Variants in MID2 observed in about 807,000 individuals in gnomAD.
MID2 encodes midline 2, also known as probable E3 ubiquitin-protein ligase MID2.
In MID2, 13 loss-of-function variants were observed where a neutral mutation model predicts 46.1. The ratio of observed to expected loss-of-function variants is 0.28; its 90% CI spans 0.18 to 0.45. The LOEUF is 0.45. Among genes scored for constraint, MID2 ranks in the 20% least tolerant of loss-of-function variants. MID2 has a pLI of 1.00. For missense variants in MID2, 431 were observed against 575.4 expected (o/e 0.75, Z 2.57); for synonymous variants, 199 against 212.3 (o/e 0.94, Z 0.55).
intron 3 of MID2, among the ~76,000 whole-genome samples, chrX:107,892,041 C>T (rs993903092): frequency 8.1e-5 from 9 of 111,678 alleles, no homozygotes; most frequent in Non-Finnish European, 1.5e-4. Flanking sequence ...ATTTCCCTGG[C>T]CCTCCCAGTA....
At chrX:107,894,016 ACCT>A (rs201468127) in intron 3 of MID2, among the ~76,000 whole-genome samples, 2,037 of 111,478 alleles carry the variant, frequency 0.018, 46 homozygotes, top group African/African-American at 0.063. Flanking sequence ...CTCAGCCTTC[ACCT>A]CCTTTAAGAA....
At chrX:107,924,174 A>C (rs1196995001) in intron 7 of MID2, among the ~76,000 whole-genome samples, 169 bp from the exon 8 acceptor site, 6 of 112,651 alleles carry the variant, frequency 5.3e-5, no homozygotes, top group Non-Finnish European at 1.1e-4. Flanking sequence ...GGGAGTAATG[A>C]AATAGTGGAA....
Position 107,930,297 on chromosome X carries a change from A to G in MID2, c.*3224A>G, listed in dbSNP as rs1047548935. 1.8e-5 allele frequency among the ~76,000 whole-genome samples: 2 copies of G among 111,786 alleles called. No individual in the cohort carries two copies. Among genetic ancestry groups the G allele is most frequent in the Non-Finnish European group, 3.8e-5 (2 of 53,122 alleles). ...ACTCCATTTGAGCTGTATTAATTCT[A>G]TTTTGCAGAGATATCAAGGCTCCTA... On this transcript the variant is annotated 3_prime_UTR_variant, in exon 10 of 10. Transcript: ENST00000262843.
chrX:107,872,478 T>C (rs1292426387), intron 3 of MID2, among the ~76,000 whole-genome samples: 2 of 112,534 alleles, frequency 1.8e-5, no homozygotes, highest in East Asian at 2.8e-4. Flanking sequence ...TTAACACTTA[T>C]CTTTTGTGAT....
intron 1 of MID2, among the ~76,000 whole-genome samples, chrX:107,837,307 A>G (rs1424218555): frequency 8.9e-6 from 1 of 111,995 alleles, no homozygotes; most frequent in Non-Finnish European, 1.9e-5. Flanking sequence ...CAGCATACAT[A>G]GACATGGCTT....
At chrX:107,909,072 T>C (rs1932861661) in intron 5 of MID2, among the ~76,000 whole-genome samples, 1 of 111,991 alleles carries the variant, frequency 8.9e-6, no homozygotes. Flanking sequence ...ATCAGACTTG[T>C]TAATTTTCTC....
chrX:107,909,534 G>A (rs73533450), intron 5 of MID2, among the ~76,000 whole-genome samples: 1,899 of 111,693 alleles, frequency 0.017, 42 homozygotes, highest in African/African-American at 0.059. Context: ...AGCCAACTTC[G>A]TCCACTTGGA....
chrX:107,840,266 C>T (rs1228842122), intron 1 of MID2, among the ~76,000 whole-genome samples: 1 of 111,815 alleles, frequency 8.9e-6, no homozygotes, highest in East Asian at 2.8e-4. Flanking sequence ...CTACAGTTTA[C>T]CTTGAAGTGA....
chrX:107,927,030 C>T lies in MID2; in HGVS notation c.2165C>T (p.Pro722Leu), dbSNP rs781600608. Residue 722 changes from proline to leucine, a missense_variant, in exon 10 of 10, where the codon CCT becomes CTT. Physicochemically the swap from Pro to Leu is moderately conservative, Grantham distance 98. Transcript: ENST00000262843. Reference protein sequence around the residue: ...YPERQECNCRPQESPYVSGMK... With the variant: ...YPERQECNCRLQESPYVSGMK... ...GAGCGGCAGGAATGCAACTGCAGGC[C>T]TCAAGAATCCCCTTATGTTTCTGGG... is the stretch of plus-strand genomic sequence containing the variant. 3 of 1,209,765 alleles carry T rather than the reference C, an allele frequency of 2.5e-6. No individual in the cohort carries two copies. Among genetic ancestry groups the T allele is most frequent in the Admixed American group, 2.2e-5 (1 of 45,859 alleles).
rs904943516 is a variant in MID2 at position 107,835,448 on chromosome X, C to A, written c.5-5222C>A. ...AACTATTTCCCAAAAGCAGCTGCAC[C>A]ATTTTTTATTTCTACCTGCAATGTA... On this transcript the variant is annotated intron_variant, in intron 1 of 9. Coordinates refer to ENST00000262843, the MANE Select transcript of MID2 (RefSeq NM_012216.4). Among the ~76,000 whole-genome samples the A allele has an allele frequency of 2.7e-5, 3 of 112,310 alleles. No homozygotes were observed. In the East Asian group the frequency reaches 8.4e-4, roughly 31 times the overall value.
intron 5 of MID2, among the ~76,000 whole-genome samples, chrX:107,909,135 C>G (rs1164385769): frequency 9.0e-6 from 1 of 111,500 alleles, no homozygotes; most frequent in Non-Finnish European, 1.9e-5. Flanking sequence ...AAACTTTGTT[C>G]TGAGACACAG....
intron 1 of MID2, among the ~76,000 whole-genome samples, chrX:107,827,666 AG>A (rs1328682278): frequency 9.1e-6 from 1 of 110,484 alleles, no homozygotes; most frequent in Non-Finnish European, 1.9e-5. Flanking sequence ...GTTGCTGAAT[AG>A]GGAGTTCTCC....
At chrX:107,919,847 C>A (rs971698765) in intron 7 of MID2, among the ~76,000 whole-genome samples, 2 of 111,885 alleles carry the variant, frequency 1.8e-5, no homozygotes, top group Admixed American at 1.9e-4. Context: ...TATTCCAAAT[C>A]CTGTTCTTAT....
intron 3 of MID2, among the ~76,000 whole-genome samples, chrX:107,883,442 G>A (rs761756126): frequency 7.2e-5 from 8 of 111,828 alleles, no homozygotes; most frequent in African/African-American, 2.6e-4. Context: ...ATGGACACAC[G>A]GGGCTTCATC....
At chrX:107,831,487 C>T (rs1931088458) in intron 1 of MID2, among the ~76,000 whole-genome samples, 2 of 112,021 alleles carry the variant, frequency 1.8e-5, no homozygotes, top group African/African-American at 6.5e-5. Context: ...ATATACAGCA[C>T]AGAGATAGAA....
intron 3 of MID2, among the ~76,000 whole-genome samples, chrX:107,855,887 TCA>T (rs1330719317): frequency 1.8e-5 from 2 of 111,507 alleles, no homozygotes; most frequent in African/African-American, 3.3e-5. Context: ...CTGGTCAAAC[TCA>T]GATATGAGAC....
chrX:107,832,738 A>G (rs776566869), intron 1 of MID2, among the ~76,000 whole-genome samples: 1 of 111,929 alleles, frequency 8.9e-6, no homozygotes, highest in East Asian at 2.8e-4. Context: ...TAAGGTGGCT[A>G]TTATCAATTA....
Position 107,914,748 on chromosome X carries a change from C to G in MID2, c.1074-1254C>G, listed in dbSNP as rs1439883850. On this transcript the variant is annotated intron_variant, in intron 5 of 9. Transcript: ENST00000262843. ...TTGGCAAAAGCTCCTCCAGATAATC[C>G]TGATGTGTAGCGATGGCTAAAAATT... is the stretch of plus-strand genomic sequence containing the variant. Among the ~76,000 whole-genome samples, 4 of 112,220 alleles carry G rather than the reference C, an allele frequency of 3.6e-5. No homozygotes were observed. The Admixed American group carries it at 3.8e-4, about 11-fold the overall frequency.
rs774794099 is a variant in MID2, at chrX:107,853,472, G to GC, written c.721-1136dup. ...ATGCCACCACGCCCAACTAAATTTTGCATTTTTTGTTGAGATGTGGTTTTG... is the reference window on the plus strand; with the variant it reads ...ATGCCACCACGCCCAACTAAATTTTGCCATTTTTTGTTGAGATGTGGTTTTG... On this transcript the variant is annotated intron_variant, in intron 2 of 9. Transcript: ENST00000262843. 4.4e-3 allele frequency among the ~76,000 whole-genome samples: 487 copies of GC among 110,479 alleles called. 4 individuals are homozygous for GC. The highest frequency in any genetic ancestry group is 0.014 in the African/African-American group (434 of 30,339).
Sources: gnomAD v4.1 joint callset for allele counts (sites outside exome capture counted in the v4.1 genomes callset) on GRCh38, gnomAD v4.1.1 for gene constraint, MANE v1.5 for transcripts, NCBI Gene and HGNC (gene_info 2026-07-23, HGNC 2026-07-21) for gene names.